The following SYT9 variants were observed in gnomAD, a reference collection of about 807,000 sequenced individuals.
SYT9 encodes synaptotagmin 9, also known as synaptotagmin-9.
In SYT9, 22 loss-of-function variants were observed where a neutral mutation model predicts 48.4. That is an observed-to-expected ratio of 0.45 (90% CI 0.32 to 0.65). The LOEUF is 0.65. Ranked by LOEUF, SYT9 falls within the 30% of genes least tolerant of loss-of-function variation. SYT9 has a pLI of 0.03. For missense variants in SYT9, 577 were observed against 622.0 expected (o/e 0.93, Z 0.77); for synonymous variants, 265 against 245.0 (o/e 1.08, Z -0.76).
chr11:7,405,747 G>A (rs889896351), intron 3 of SYT9, among the ~76,000 whole-genome samples: 1 of 152,142 alleles, frequency 6.6e-6, no homozygotes, highest in Admixed American at 6.5e-5. Context: ...GCTAGTATAT[G>A]TATGAGAAAA....
intron 6 of SYT9, among the ~76,000 whole-genome samples, chr11:7,432,574 A>AT (rs1847612173): frequency 7.9e-5 from 1 of 12,630 alleles, no homozygotes; most frequent in South Asian, 4.1e-3. Context: ...AAAAAAAAAA[A>AT]AAAAAAAAAT....
chr11:7,412,463 CTG>C (rs1264220540), intron 3 of SYT9, among the ~76,000 whole-genome samples: 2 of 152,252 alleles, frequency 1.3e-5, no homozygotes, highest in Non-Finnish European at 2.9e-5. Context: ...TCAGTGGTAT[CTG>C]TGATTTATTT....
At chr11:7,357,277 T>C (rs1850038938) in intron 3 of SYT9, among the ~76,000 whole-genome samples, 1 of 152,156 alleles carries the variant, frequency 6.6e-6, no homozygotes, top group Non-Finnish European at 1.5e-5. Context: ...TTACCTATTA[T>C]GTAAAAAAGA....
At chr11:7,412,462 T>C (rs1191906293) in intron 3 of SYT9, among the ~76,000 whole-genome samples, 1 of 152,218 alleles carries the variant, frequency 6.6e-6, no homozygotes, top group Non-Finnish European at 1.5e-5. Flanking sequence ...ATCAGTGGTA[T>C]CTGTGATTTA....
intron 1 of SYT9, among the ~76,000 whole-genome samples, chr11:7,268,233 A>C (rs767774494): frequency 7.2e-5 from 11 of 152,012 alleles, no homozygotes; most frequent in Non-Finnish European, 8.8e-5. Context: ...CACTTCCATT[A>C]ACAATTACTG....
chr11:7,348,428 A>T (rs781585684), intron 3 of SYT9, among the ~76,000 whole-genome samples: 9 of 152,322 alleles, frequency 5.9e-5, no homozygotes, highest in Middle Eastern at 3.4e-3. Flanking sequence ...CTGGGCATAT[A>T]GTGCTTTCTT....
In SYT9 at chr11:7,313,699, C is replaced by T. The variant is rs138467146; in HGVS notation, c.802C>T (p.Arg268Trp). Residue 268 changes from arginine (R) to tryptophan (W), a missense_variant, in exon 3 of 7, where the codon CGG (arginine) becomes TGG (tryptophan). Coordinates refer to ENST00000318881, the MANE Select transcript of SYT9 (RefSeq NM_175733.4). ...TGTCAAGATCTATTTGCTTCCTGAT[C>T]GGAAAACAAAACACCAGACTAAAGT... ...PYVKIYLLPD[R>W]KTKHQTKVHR... 6.8e-6 allele frequency: 11 copies of T among 1,614,162 alleles called. No homozygotes were observed. The highest frequency in any genetic ancestry group is 3.3e-5 in the South Asian group (3 of 91,088).
intron 3 of SYT9, among the ~76,000 whole-genome samples, chr11:7,401,373 A>G (rs1426576919): frequency 2.0e-5 from 3 of 151,284 alleles, no homozygotes; most frequent in African/African-American, 2.4e-5. Flanking sequence ...TCAAAATCCA[A>G]AAATACCTGA....
intron 2 of SYT9, among the ~76,000 whole-genome samples, chr11:7,305,874 G>A (rs1849021516): frequency 6.6e-6 from 1 of 152,042 alleles, no homozygotes; most frequent in Non-Finnish European, 1.5e-5. Flanking sequence ...TCACACCATT[G>A]ACATCAAAAA....
Position 7,468,738 on chromosome 11 carries a change from C to A in SYT9, c.*1938C>A, listed in dbSNP as rs1361688707. The A allele has an allele frequency of 6.4e-6, 1 of 156,086 alleles. No individual in the cohort carries two copies. Among genetic ancestry groups the A allele is most frequent in the Non-Finnish European group, 1.4e-5 (1 of 70,858 alleles). The allele number at this position is 156,086 out of a possible 1,614,324, so 9.7% of individuals were successfully genotyped here. On this transcript the variant is annotated 3_prime_UTR_variant, in exon 7 of 7. Coordinates refer to ENST00000318881, the MANE Select transcript of SYT9 (RefSeq NM_175733.4). ...GTTGGAGATCCTGAGGCAGCTGTGC[C>A]TACTGTTCCCCACCTCAGAAGCTTC...
At chr11:7,401,988 C>T (rs1449278986) in intron 3 of SYT9, among the ~76,000 whole-genome samples, 1 of 151,698 alleles carries the variant, frequency 6.6e-6, no homozygotes, top group Non-Finnish European at 1.5e-5. Flanking sequence ...CTATAGATTT[C>T]CTCATAAGCA....
At chr11:7,340,238 A>G (rs775202140) in intron 3 of SYT9, among the ~76,000 whole-genome samples, 1 of 151,992 alleles carries the variant, frequency 6.6e-6, no homozygotes, top group Non-Finnish European at 1.5e-5. Flanking sequence ...TATATTGGCT[A>G]TTTTTTCTAT....
chr11:7,248,334 T>A (rs574932756), upstream of SYT9, among the ~76,000 whole-genome samples: 1 of 152,148 alleles, frequency 6.6e-6, no homozygotes, highest in African/African-American at 2.4e-5. Flanking sequence ...TTTAATTAAG[T>A]CCCAGAAATG....
At chr11:7,301,755 T>A (rs1848924200) in intron 1 of SYT9, among the ~76,000 whole-genome samples, 1 of 152,140 alleles carries the variant, frequency 6.6e-6, no homozygotes. Flanking sequence ...CTGGGGAGAA[T>A]CCTTGGGGCT....
intron 3 of SYT9, among the ~76,000 whole-genome samples, chr11:7,398,767 C>G (rs1351167451): frequency 2.0e-5 from 3 of 152,078 alleles, no homozygotes; most frequent in Non-Finnish European, 4.4e-5. Context: ...TGAGTGCCAA[C>G]AAATGGAAAA....
chr11:7,372,566 T>C (rs72856444), intron 3 of SYT9, among the ~76,000 whole-genome samples: 9,400 of 152,242 alleles, frequency 0.062, 351 homozygotes, highest in Middle Eastern at 0.12. Context: ...GGGGAATCTC[T>C]CTATGTTGCC....
chr11:7,390,961 G>A (rs566297835), intron 3 of SYT9, among the ~76,000 whole-genome samples: 5 of 152,154 alleles, frequency 3.3e-5, no homozygotes, highest in Non-Finnish European at 7.4e-5. Flanking sequence ...GAAGCTTTTC[G>A]GCCCTTGCAC....
At chr11:7,393,980 C>CT (rs766043426) in intron 3 of SYT9, among the ~76,000 whole-genome samples, 169 of 142,506 alleles carry the variant, frequency 1.2e-3, no homozygotes, top group Admixed American at 2.0e-3. Flanking sequence ...TTTTAATATA[C>CT]TTTAAGTTTT....
intron 1 of SYT9, among the ~76,000 whole-genome samples, chr11:7,256,205 G>A (rs1847966336): frequency 6.6e-6 from 1 of 152,108 alleles, no homozygotes; most frequent in African/African-American, 2.4e-5. Flanking sequence ...CTTTTCTTCT[G>A]TAGGGTGCCA....
Sources: allele counts gnomAD v4.1 joint callset (sites outside exome capture counted in the v4.1 genomes callset), GRCh38; gene constraint gnomAD v4.1.1; transcripts MANE v1.5; gene names NCBI Gene and HGNC (gene_info 2026-07-23, HGNC 2026-07-21).